The following EMILIN2 variants were observed in gnomAD, a reference collection of about 807,000 sequenced individuals.
EMILIN2 encodes elastin microfibril interfacer 2.
Under a neutral mutation model 87.1 loss-of-function variants are expected in EMILIN2, and 71 were observed. That is an observed-to-expected ratio of 0.82 (90% CI 0.67 to 0.99). The LOEUF is 0.99. Among genes scored for constraint, EMILIN2 ranks in the 50% least tolerant of loss-of-function variants. EMILIN2 has a pLI of 0.00. For synonymous variants in EMILIN2, 581 were observed against 563.4 expected (o/e 1.03, Z -0.44); for missense variants, 1,407 against 1,371.8 (o/e 1.03, Z -0.40).
At chr18:2,850,776 G>A (rs2076597773) in intron 2 of EMILIN2, among the ~76,000 whole-genome samples, 1 of 152,104 alleles carries the variant, frequency 6.6e-6, no homozygotes, top group Non-Finnish European at 1.5e-5. Context: ...CATCACTGAG[G>A]CCTTGACATG....
chr18:2,850,134 G>A (rs920028807), intron 2 of EMILIN2, among the ~76,000 whole-genome samples: 1 of 148,672 alleles, frequency 6.7e-6, no homozygotes, highest in South Asian at 2.1e-4. Context: ...TAGAGATAGG[G>A]TTTCAACATG....
At position 2,891,610 on chromosome 18, in the gene EMILIN2, C is replaced by A. The variant is rs952902322; in HGVS notation, c.1483C>A (p.Gln495Lys). ...GAAGCAGCTTGTTGATCAGAAAATACAGTCTCTGGAAGACCGTCTGGGGAG... is the reference window on the plus strand; with the variant it reads ...GAAGCAGCTTGTTGATCAGAAAATAAAGTCTCTGGAAGACCGTCTGGGGAG... Reference protein sequence around the residue: ...DLKQLVDQKIQSLEDRLGSVL... With the variant: ...DLKQLVDQKIKSLEDRLGSVL... Residue 495 changes from glutamine to lysine, a missense_variant, in exon 4 of 8, where the codon CAG becomes AAG. Gln to Lys is a moderately conservative substitution (Grantham distance 53). Coordinates refer to ENST00000254528, the MANE Select transcript of EMILIN2 (RefSeq NM_032048.3). The surrounding 1 kb of genome is among the most constrained non-coding windows in gnomAD (Gnocchi z 4.6). 24 of 1,613,916 alleles carry A rather than the reference C, an allele frequency of 1.5e-5. No individual in the cohort carries two copies. The highest frequency in any genetic ancestry group is 1.8e-5 in the Non-Finnish European group (21 of 1,180,036).
upstream of EMILIN2, among the ~76,000 whole-genome samples, chr18:2,846,650 GC>G (rs2076574888): frequency 6.6e-6 from 1 of 152,194 alleles, no homozygotes; most frequent in Admixed American, 6.5e-5. This position sits in a 1 kb window ranked among gnomAD's most constrained non-coding sequence, Gnocchi z 5.3. Context: ...TCCCTCATTC[GC>G]CCCGGGAGGC....
At chr18:2,902,681 G>A (rs888207145) in intron 4 of EMILIN2, among the ~76,000 whole-genome samples, 62 of 152,308 alleles carry the variant, frequency 4.1e-4, no homozygotes, top group African/African-American at 1.2e-3. Context: ...TGATTTTTAC[G>A]AGAAGTGGAG....
At chr18:2,895,550 G>GT in intron 4 of EMILIN2, among the ~76,000 whole-genome samples, 1 of 152,338 alleles carries the variant, frequency 6.6e-6, no homozygotes, top group South Asian at 2.1e-4. Flanking sequence ...GCATCAGCTT[G>GT]AGTCGCCCAC....
At chr18:2,881,929 G>A (rs562934052) in intron 2 of EMILIN2, among the ~76,000 whole-genome samples, 38 of 152,012 alleles carry the variant, frequency 2.5e-4, no homozygotes, top group Admixed American at 2.2e-3. Context: ...CTCAGGAATG[G>A]GTTGGCCGAA....
intron 2 of EMILIN2, among the ~76,000 whole-genome samples, chr18:2,883,959 C>G (rs2076789727): frequency 6.6e-6 from 1 of 152,030 alleles, no homozygotes; most frequent in African/African-American, 2.4e-5. Flanking sequence ...TTCTTTCTTT[C>G]TTTTTATTTT....
intron 6 of EMILIN2, 49 bp downstream of exon 6, chr18:2,909,024 C>T: frequency 1.2e-6 from 2 of 1,604,774 alleles, no homozygotes; most frequent in East Asian, 2.2e-5. Flanking sequence ...TCCTTGGTGG[C>T]CTCTGCCCCT....
Position 2,861,504 on chromosome 18 carries a change from G to T in EMILIN2, c.257+13573G>T, listed in dbSNP as rs543833554. ...TTAAATAGGGAATCCTTTCCCCATT[G>T]CTTGTTTTTGTCAGGTTTGTCAAAG... On this transcript the variant is annotated intron_variant, in intron 2 of 7. Transcript: ENST00000254528. 5.0e-4 allele frequency among the ~76,000 whole-genome samples: 76 copies of T among 152,278 alleles called. No homozygotes were observed. The East Asian group carries it at 0.013, about 27-fold the overall frequency.
chr18:2,849,402 A>C (rs1384799578), intron 2 of EMILIN2, among the ~76,000 whole-genome samples: 1 of 152,200 alleles, frequency 6.6e-6, no homozygotes, highest in Non-Finnish European at 1.5e-5. Flanking sequence ...TGAATTTTTC[A>C]TTTTGGGAGG....
At chr18:2,907,988 A>AT (rs1200252993) in intron 5 of EMILIN2, among the ~76,000 whole-genome samples, 1 of 152,178 alleles carries the variant, frequency 6.6e-6, no homozygotes, top group Non-Finnish European at 1.5e-5. Context: ...TGGTGCCCCC[A>AT]TGGCCCCTGA....
At chr18:2,872,138 T>G (rs2076722941) in intron 2 of EMILIN2, among the ~76,000 whole-genome samples, 1 of 152,246 alleles carries the variant, frequency 6.6e-6, no homozygotes, top group African/African-American at 2.4e-5. Flanking sequence ...TTGCTTCATA[T>G]TGAATACTGA....
chr18:2,885,191 C>T (rs754271436), intron 3 of EMILIN2, 52 bp downstream of exon 3: 1 of 1,496,408 alleles, frequency 6.7e-7, no homozygotes, highest in South Asian at 1.4e-5. Context: ...ATTTCCGGTG[C>T]TCCTTCAAAC....
rs971056348 is a variant in EMILIN2 at position 2,907,149 on chromosome 18, G to A, written c.2662+64G>A. On this transcript the variant is annotated intron_variant, in intron 5 of 7. Transcript: ENST00000254528. Reference sequence around the variant, plus strand: ...TCCCGGAACTTCCGCCTGAGCCTCGGGGTCTGCTGAGGGGCGTGGCGGTTC... The same window carrying A: ...TCCCGGAACTTCCGCCTGAGCCTCGAGGTCTGCTGAGGGGCGTGGCGGTTC... 1.1e-5 allele frequency: 13 copies of A among 1,225,598 alleles called. No homozygotes were observed. The East Asian group carries it at 1.9e-4, about 18-fold the overall frequency. 75.9% of individuals were successfully genotyped at this position (1,225,598 alleles called of 1,614,324 possible). A position where few individuals can be genotyped will look rare whatever the true frequency, so the allele number is the denominator to read the frequency against.
chr18:2,885,515 GT>G (rs1469158486), intron 3 of EMILIN2, among the ~76,000 whole-genome samples: 2 of 152,172 alleles, frequency 1.3e-5, no homozygotes, highest in African/African-American at 4.8e-5. Flanking sequence ...GGTTAAAATT[GT>G]TTTTTATTTT....
At chr18:2,878,554 G>T (rs1253779481) in intron 2 of EMILIN2, among the ~76,000 whole-genome samples, 1 of 152,092 alleles carries the variant, frequency 6.6e-6, no homozygotes, top group Non-Finnish European at 1.5e-5. Context: ...AACTTGAAAA[G>T]AATGAATTAC....
At chr18:2,849,041 G>A (rs1568448064) in intron 2 of EMILIN2, among the ~76,000 whole-genome samples, 1 of 152,174 alleles carries the variant, frequency 6.6e-6, no homozygotes, top group Non-Finnish European at 1.5e-5. Context: ...AAACTTAGAC[G>A]AGGTCCCCAT....
intron 2 of EMILIN2, among the ~76,000 whole-genome samples, chr18:2,874,065 C>T (rs1362707205): frequency 1.3e-5 from 2 of 152,192 alleles, no homozygotes; most frequent in Admixed American, 1.3e-4. Flanking sequence ...TGTCACCAAC[C>T]TTAAAAGTCC....
In EMILIN2 at chr18:2,880,663, T is replaced by G. The variant is rs2076772740; in HGVS notation, c.258-4301T>G. On this transcript the variant is annotated intron_variant, in intron 2 of 7. Coordinates refer to ENST00000254528, the MANE Select transcript of EMILIN2 (RefSeq NM_032048.3). This position sits in a 1 kb window ranked among gnomAD's most constrained non-coding sequence, Gnocchi z 4.1. ...TCCTCTGGCTGCGGGTCCCTCGGCT[T>G]GGCCACCCCCACACTGCAGTTAGTT... Among the ~76,000 whole-genome samples, 1 of 152,206 alleles carries G rather than the reference T, an allele frequency of 6.6e-6. No individual in the cohort carries two copies. Among genetic ancestry groups the G allele is most frequent in the South Asian group, 2.1e-4 (1 of 4,830 alleles).
Sources: gnomAD v4.1 joint callset for allele counts (sites outside exome capture counted in the v4.1 genomes callset) on GRCh38, gnomAD v4.1.1 for gene constraint, Gnocchi (gnomAD v3.1) non-coding constraint, MANE v1.5 for transcripts, NCBI Gene and HGNC (gene_info 2026-07-23, HGNC 2026-07-21) for gene names.